SAMD3: variants seen among roughly 807,000 people sequenced by gnomAD.
SAMD3 encodes sterile alpha motif domain containing 3.
In SAMD3, 63 loss-of-function variants were observed where a neutral mutation model predicts 58.5. The observed-to-expected ratio is 1.08, with a 90% CI of 0.88 to 1.33. SAMD3 has a LOEUF of 1.33. Ranked by LOEUF, SAMD3 falls within the 40% of genes most tolerant of loss-of-function variation. The pLI, the probability that SAMD3 is intolerant of heterozygous loss-of-function variation, is 0.00. For missense variants in SAMD3, 604 were observed against 608.4 expected (o/e 0.99, Z 0.08); for synonymous variants, 220 against 210.3 (o/e 1.05, Z -0.40).
chr6:130,180,298 T>C (rs1457442047), intron 7 of SAMD3, among the ~76,000 whole-genome samples: 2 of 137,856 alleles, frequency 1.5e-5, no homozygotes, highest in Non-Finnish European at 3.1e-5. Flanking sequence ...TTTTTTTTTT[T>C]TTTTTTTTTT....
At chr6:130,365,487 G>C (rs182295047), upstream of SAMD3, 6 of 985,216 alleles carry the variant, frequency 6.1e-6, no homozygotes, top group Non-Finnish European at 7.2e-6. Flanking sequence ...ACCCCGGCCC[G>C]CCGGGCGGCA....
At chr6:130,352,320 T>G (rs907406501) in intron 1 of SAMD3, among the ~76,000 whole-genome samples, 2 of 152,120 alleles carry the variant, frequency 1.3e-5, no homozygotes, top group Non-Finnish European at 2.9e-5. Flanking sequence ...ACTTTATGAG[T>G]AGAAGCCCAT....
At chr6:130,300,997 G>A (rs1367604499) in intron 2 of SAMD3, among the ~76,000 whole-genome samples, 4 of 152,026 alleles carry the variant, frequency 2.6e-5, no homozygotes, top group Non-Finnish European at 5.9e-5. Context: ...CAGCCCCGGT[G>A]TCTGATGTTC....
intron 2 of SAMD3, among the ~76,000 whole-genome samples, chr6:130,305,354 A>C (rs1375778042): frequency 6.6e-6 from 1 of 152,170 alleles, no homozygotes; most frequent in Admixed American, 6.5e-5. Flanking sequence ...CAACTGTATC[A>C]TCTAAAGAAT....
chr6:130,341,739 A>G (rs1311594418), intron 1 of SAMD3, among the ~76,000 whole-genome samples: 1 of 152,128 alleles, frequency 6.6e-6, no homozygotes, highest in Non-Finnish European at 1.5e-5. Context: ...ATTTTAGCAG[A>G]TTGTTAAACA....
chr6:130,312,563 T>G (rs72992403), intron 2 of SAMD3, among the ~76,000 whole-genome samples: 16,181 of 152,282 alleles, frequency 0.11, 1,001 homozygotes, highest in Admixed American at 0.15. Context: ...AGTCTGGAAC[T>G]CAGCATCAAG....
chr6:130,327,379 A>G (rs1287310019), intron 1 of SAMD3, among the ~76,000 whole-genome samples: 1 of 152,186 alleles, frequency 6.6e-6, no homozygotes, highest in Non-Finnish European at 1.5e-5. Context: ...TTAAATATCA[A>G]ATTTATAGCT....
chr6:130,237,092 A>G (rs1395159979), intron 2 of SAMD3, among the ~76,000 whole-genome samples: 1 of 118,882 alleles, frequency 8.4e-6, no homozygotes, highest in East Asian at 1.9e-4. Context: ...TATGTACTAC[A>G]TTAATTAAAA....
intron 2 of SAMD3, among the ~76,000 whole-genome samples, chr6:130,273,822 T>C (rs1774671220): frequency 6.6e-6 from 1 of 152,170 alleles, no homozygotes; most frequent in East Asian, 1.9e-4. Flanking sequence ...ATATTATTGA[T>C]GTCAAAATTT....
intron 8 of SAMD3, among the ~76,000 whole-genome samples, chr6:130,158,004 C>CA (rs1193741897): frequency 6.7e-6 from 1 of 149,582 alleles, no homozygotes; most frequent in Admixed American, 6.7e-5. Flanking sequence ...ATAAAACTAA[C>CA]AAAAAATGTG....
At position 130,291,336 on chromosome 6, in the gene SAMD3, C is replaced by G. The variant is rs144860986; in HGVS notation, c.-188+21642G>C. On this transcript the variant is annotated intron_variant, in intron 2 of 13. Transcript: ENST00000368134. ...GCCAGGCTGGTCTCAAACTCCTGAC[C>G]TCAGGTGATCCACTCGTCTTAGCCT... Among the ~76,000 whole-genome samples, 1,078 of 152,290 alleles carry G rather than the reference C, an allele frequency of 7.1e-3. 11 individuals are homozygous for G. The highest frequency in any genetic ancestry group is 0.017 in the Middle Eastern group (5 of 294).
At position 130,175,979 on chromosome 6, in the gene SAMD3, G is replaced by A. The variant is rs143921000; in HGVS notation, c.684C>T (p.Arg228=). 4.2e-5 allele frequency: 68 copies of A among 1,613,232 alleles called. No homozygotes were observed. The African/African-American group carries it at 8.3e-4, about 20-fold the overall frequency. ...CTATGGGTCTTCGAACATATTTAAA[G>A]CGATCTTTGAGGGCTCGTTTCCATA... ...FFLWKRALKD[R]FKYVRRPIED... is the part of the protein sequence containing the mutation. The change falls in exon 8 of 12, where the codon CGC becomes CGT. Residue 228 remains arginine, a synonymous_variant. Coordinates refer to ENST00000439090, the MANE Select transcript of SAMD3 (RefSeq NM_001017373.4).
chr6:130,159,453 A>C (rs1223061079), intron 8 of SAMD3: 1 of 152,308 alleles, frequency 6.6e-6, no homozygotes, highest in Non-Finnish European at 1.5e-5. Context: ...TTCATCTGCC[A>C]CACAGAGGCG....
intron 5 of SAMD3, among the ~76,000 whole-genome samples, chr6:130,200,635 T>G (rs1794574851): frequency 6.6e-6 from 1 of 152,006 alleles, no homozygotes; most frequent in Non-Finnish European, 1.5e-5. Flanking sequence ...GTACTATTTT[T>G]GCAGTTCAGA....
intron 1 of SAMD3, among the ~76,000 whole-genome samples, chr6:130,359,684 C>T (rs1399971620): frequency 6.6e-6 from 1 of 152,178 alleles, no homozygotes; most frequent in African/African-American, 2.4e-5. Flanking sequence ...GGCTCTCACT[C>T]GCTCATTTCT....
intron 8 of SAMD3, among the ~76,000 whole-genome samples, chr6:130,175,575 C>A (rs552621519): frequency 6.6e-6 from 1 of 151,932 alleles, no homozygotes; most frequent in East Asian, 1.9e-4. Flanking sequence ...TTCAAGGACT[C>A]GAACTTAAGG....
intron 5 of SAMD3, among the ~76,000 whole-genome samples, chr6:130,203,015 T>C (rs1794781917): frequency 1.3e-5 from 2 of 152,206 alleles, no homozygotes; most frequent in Admixed American, 6.5e-5. Flanking sequence ...TCTGTTTTGT[T>C]TTCTACAGCA....
intron 8 of SAMD3, among the ~76,000 whole-genome samples, chr6:130,165,373 G>A (rs1303263839): frequency 6.6e-6 from 1 of 151,880 alleles, no homozygotes; most frequent in Admixed American, 6.6e-5. Flanking sequence ...ATTGCAGTTA[G>A]AAAACAAAAC....
intron 8 of SAMD3, among the ~76,000 whole-genome samples, chr6:130,155,335 A>G (rs1357751822): frequency 1.3e-5 from 2 of 152,254 alleles, no homozygotes; most frequent in Non-Finnish European, 2.9e-5. Context: ...GCTCATTTCT[A>G]TGCATTTCAA....
Sources: gnomAD v4.1 joint callset for allele counts (sites outside exome capture counted in the v4.1 genomes callset) on GRCh38, gnomAD v4.1.1 for gene constraint, MANE v1.5 for transcripts, NCBI Gene and HGNC (gene_info 2026-07-23, HGNC 2026-07-21) for gene names.